The following TENM2 variants were observed in gnomAD, a reference collection of about 807,000 sequenced individuals.
TENM2 encodes teneurin-2.
Under a neutral mutation model 245.2 loss-of-function variants are expected in TENM2, and 52 were observed. The observed-to-expected ratio is 0.21, with a 90% CI of 0.17 to 0.27. The LOEUF is 0.27. Among genes scored for constraint, TENM2 ranks in the 10% least tolerant of loss-of-function variants. The pLI is 1.00. For missense variants in TENM2, 3,046 were observed against 3,666.8 expected (o/e 0.83, Z 4.37); for synonymous variants, 1,363 against 1,438.9 (o/e 0.95, Z 1.19).
the TENM2 span, among the ~76,000 whole-genome samples, chr5:167,279,355 CCTT>C: frequency 2.0e-5 from 3 of 152,252 alleles, no homozygotes; most frequent in East Asian, 5.8e-4. Context: ...TCCAGCCCCT[CCTT>C]CTTTCTCCTC....
At chr5:167,127,596 C>T in the TENM2 span, among the ~76,000 whole-genome samples, 1 of 147,404 alleles carries the variant, frequency 6.8e-6, no homozygotes, top group Non-Finnish European at 1.5e-5. Context: ...AAGGAAAGCC[C>T]TGCCTTTAGA....
chr5:167,900,853 G>A (rs757484696), intron 3 of TENM2, among the ~76,000 whole-genome samples: 2 of 151,404 alleles, frequency 1.3e-5, no homozygotes. Context: ...TGGGATTGAG[G>A]CCTTGAGAGG....
At chr5:167,478,833 G>T (rs1180498149) in intron 2 of TENM2, among the ~76,000 whole-genome samples, 3 of 152,078 alleles carry the variant, frequency 2.0e-5, no homozygotes, top group African/African-American at 7.2e-5. Flanking sequence ...CAAGTGCCTT[G>T]TTCTCTTACT....
At chr5:167,050,778 A>G in the TENM2 span, among the ~76,000 whole-genome samples, 1 of 152,114 alleles carries the variant, frequency 6.6e-6, no homozygotes, top group Non-Finnish European at 1.5e-5. Context: ...GTGAGAGTGA[A>G]CATTTGCCCA....
chr5:167,044,698 C>T, the TENM2 span, among the ~76,000 whole-genome samples: 1 of 152,252 alleles, frequency 6.6e-6, no homozygotes, highest in Non-Finnish European at 1.5e-5. Flanking sequence ...CAGCGGGGCT[C>T]ATATTTCCGA....
chr5:167,213,508 A>G, the TENM2 span, among the ~76,000 whole-genome samples: 8 of 152,284 alleles, frequency 5.3e-5, no homozygotes, highest in East Asian at 1.9e-4. Flanking sequence ...AGTAACACCA[A>G]TCTACTGGGG....
At chr5:167,298,541 C>T (rs937880632) in intron 1 of TENM2, among the ~76,000 whole-genome samples, 18 of 152,062 alleles carry the variant, frequency 1.2e-4, no homozygotes, top group Non-Finnish European at 2.4e-4. Flanking sequence ...GGGGCGGAGC[C>T]TGCAGTGAGC....
chr5:167,580,114 A>T (rs774442985), intron 2 of TENM2, among the ~76,000 whole-genome samples: 2 of 152,202 alleles, frequency 1.3e-5, no homozygotes, highest in Non-Finnish European at 2.9e-5. Flanking sequence ...CCAGGGTTTG[A>T]ATTTCCAGCA....
Position 168,255,930 on chromosome 5 carries a change from T to G in TENM2, c.7433-4353T>G, listed in dbSNP as rs550457802. Among the ~76,000 whole-genome samples the G allele has an allele frequency of 9.9e-5, 15 of 151,816 alleles. No individual in the cohort carries two copies. In the South Asian group the frequency reaches 2.9e-3, roughly 30 times the overall value. On this transcript the variant is annotated intron_variant, in intron 27 of 28. Coordinates refer to ENST00000518659, the Ensembl canonical transcript of TENM2. ...AAGCAGTTTTCCTGCCTCGGCCTCC[T>G]GAGTAGCTGGGATTACAGGCAGGCG...
intron 2 of TENM2, among the ~76,000 whole-genome samples, chr5:167,482,809 T>C (rs1192012962): frequency 6.6e-6 from 1 of 152,196 alleles, no homozygotes; most frequent in Non-Finnish European, 1.5e-5. Context: ...AGTGAGGTAA[T>C]TGACATACAG....
the TENM2 span, among the ~76,000 whole-genome samples, chr5:167,039,813 TAA>T: frequency 1.3e-5 from 2 of 151,942 alleles, no homozygotes; most frequent in Non-Finnish European, 2.9e-5. Context: ...ATAGAATAAA[TAA>T]GTTAATCTTT....
chr5:167,424,752 TC>T (rs1763712279), intron 2 of TENM2, among the ~76,000 whole-genome samples: 1 of 152,046 alleles, frequency 6.6e-6, no homozygotes, highest in African/African-American at 2.4e-5. Flanking sequence ...AAAAAAAAAA[TC>T]TTCTGTTCAG....
At chr5:167,864,997 T>C (rs1772177542) in intron 2 of TENM2, among the ~76,000 whole-genome samples, 1 of 152,218 alleles carries the variant, frequency 6.6e-6, no homozygotes, top group South Asian at 2.1e-4. Flanking sequence ...GAAAATTGTT[T>C]CGGCATCGGC....
At chr5:167,400,481 A>C (rs1762301160) in intron 2 of TENM2, among the ~76,000 whole-genome samples, 1 of 152,144 alleles carries the variant, frequency 6.6e-6, no homozygotes, top group Admixed American at 6.5e-5. Flanking sequence ...AAAAATATGA[A>C]GTATATATTT....
chr5:168,015,766 A>T (rs1031610816), intron 5 of TENM2, among the ~76,000 whole-genome samples: 2 of 152,116 alleles, frequency 1.3e-5, no homozygotes, highest in African/African-American at 4.8e-5. Flanking sequence ...ATTCCTGAGG[A>T]TAAAAAAACC....
At chr5:168,211,444 TAGTC>T (rs1005008712) in intron 19 of TENM2, among the ~76,000 whole-genome samples, 46 of 152,348 alleles carry the variant, frequency 3.0e-4, no homozygotes, top group African/African-American at 1.1e-3. Context: ...ATCCCTTCCT[TAGTC>T]AGGAGGCATA....
chr5:167,480,157 A>C (rs746308728), intron 2 of TENM2, among the ~76,000 whole-genome samples: 1 of 152,186 alleles, frequency 6.6e-6, no homozygotes, highest in Non-Finnish European at 1.5e-5. Flanking sequence ...GGAATCCTTG[A>C]TCCAATAGTC....
chr5:168,128,302 C>T (rs893936187), intron 12 of TENM2, among the ~76,000 whole-genome samples: 15 of 152,312 alleles, frequency 9.8e-5, no homozygotes, highest in East Asian at 1.9e-4. Context: ...TTTCAGGGGA[C>T]GGCTGTGCAC....
chr5:168,146,426 C>T (rs967163317), intron 12 of TENM2, among the ~76,000 whole-genome samples: 3 of 152,152 alleles, frequency 2.0e-5, no homozygotes, highest in Non-Finnish European at 2.9e-5. Context: ...CCTCAAGCAT[C>T]CTCAGGGAAG....
Sources: gnomAD v4.1 joint callset for allele counts (sites outside exome capture counted in the v4.1 genomes callset) on GRCh38, gnomAD v4.1.1 for gene constraint, MANE v1.5 for transcripts, NCBI Gene and HGNC (gene_info 2026-07-23, HGNC 2026-07-21) for gene names.